Variants in GRXCR1 observed in about 807,000 individuals in gnomAD.
The protein encoded by GRXCR1 is glutaredoxin and cysteine rich domain containing 1.
GRXCR1 carries 27 observed loss-of-function variants against 27.3 expected under a neutral mutation model. That is an observed-to-expected ratio of 0.99 (90% confidence interval 0.73 to 1.37). The LOEUF is 1.37. Among genes scored for constraint, GRXCR1 ranks in the 40% most tolerant of loss-of-function variants. GRXCR1 has a pLI of 0.00. For missense variants in GRXCR1, 379 were observed against 354.4 expected, an observed-to-expected ratio of 1.07 and a Z score of -0.56; for synonymous variants, 122 against 131.1, an observed-to-expected ratio of 0.93 and a Z score of 0.47.
At chr4:42,981,488 C>A (rs568629018) in intron 2 of GRXCR1, among the ~76,000 whole-genome samples, 1 of 152,164 alleles carries the variant, frequency 6.6e-6, no homozygotes, top group Non-Finnish European at 1.5e-5. Context: ...ACCACCATTA[C>A]GGTATTAGAA....
At chr4:42,986,903 C>G (rs923725720) in intron 2 of GRXCR1, among the ~76,000 whole-genome samples, 2 of 151,346 alleles carry the variant, frequency 1.3e-5, no homozygotes, top group African/African-American at 4.8e-5. Flanking sequence ...AAACAGTCAC[C>G]GAACAAACAT....
At chr4:42,982,555 C>A (rs1748700972) in intron 2 of GRXCR1, among the ~76,000 whole-genome samples, 1 of 119,032 alleles carries the variant, frequency 8.4e-6, no homozygotes, top group East Asian at 2.3e-4. Context: ...ATTTATAGTC[C>A]TTTGGGTATA....
chr4:42,981,269 A>T (rs1057120818), intron 2 of GRXCR1, among the ~76,000 whole-genome samples: 2 of 151,670 alleles, frequency 1.3e-5, no homozygotes, highest in African/African-American at 4.9e-5. Flanking sequence ...TTATTTTTAT[A>T]ACAAGTTATT....
chr4:43,000,870 G>T lies in GRXCR1; in HGVS notation c.628-19484G>T, dbSNP rs189121282. ...ATTACCAATTCGTATATTTTTAGCC[G>T]TATACTTGGACTGTATTTATAGCTA... On this transcript the variant is annotated intron_variant, in intron 2 of 3. Transcript: ENST00000399770. 5.9e-5 allele frequency among the ~76,000 whole-genome samples: 9 copies of T among 152,070 alleles called. No homozygotes were observed. In the East Asian group the frequency reaches 9.7e-4, roughly 16 times the overall value.
chr4:43,029,443 G>C lies in GRXCR1; in HGVS notation c.694-918G>C, dbSNP rs541961698. ...TCCTTTTTTGCAAGTCGGAAGCTTA[G>C]TATCAATTTACTTATTTTCTCTTTG... On this transcript the variant is annotated intron_variant, in intron 3 of 3. Coordinates refer to ENST00000399770, the MANE Select transcript of GRXCR1 (RefSeq NM_001080476.3). Among the ~76,000 whole-genome samples the C allele has an allele frequency of 1.5e-4, 23 of 152,258 alleles. 1 individual carries two copies. The highest frequency in any genetic ancestry group is 5.5e-4 in the African/African-American group (23 of 41,558).
chr4:43,009,718 AT>A (rs1712677567), intron 2 of GRXCR1, among the ~76,000 whole-genome samples: 1 of 152,090 alleles, frequency 6.6e-6, no homozygotes, highest in South Asian at 2.1e-4. Flanking sequence ...CATTAATCCT[AT>A]TCCTCAGGGC....
At chr4:43,003,531 T>C (rs1308261128) in intron 2 of GRXCR1, among the ~76,000 whole-genome samples, 1 of 152,146 alleles carries the variant, frequency 6.6e-6, no homozygotes, top group Non-Finnish European at 1.5e-5. Flanking sequence ...ATGCTGATAG[T>C]GATATGGACA....
chr4:42,906,172 A>G (rs1000738074), intron 1 of GRXCR1, among the ~76,000 whole-genome samples: 3 of 152,152 alleles, frequency 2.0e-5, no homozygotes, highest in Non-Finnish European at 2.9e-5. Context: ...AAAAGACAAT[A>G]GGGCTGGTGA....
chr4:43,004,142 G>T (rs1712472739), intron 2 of GRXCR1, among the ~76,000 whole-genome samples: 1 of 152,224 alleles, frequency 6.6e-6, no homozygotes, highest in Non-Finnish European at 1.5e-5. Flanking sequence ...TGACTAAAAG[G>T]GGACAAGGTA....
intron 1 of GRXCR1, among the ~76,000 whole-genome samples, chr4:42,921,254 A>C (rs1183487218): frequency 6.6e-6 from 1 of 152,074 alleles, no homozygotes; most frequent in Admixed American, 6.6e-5. Context: ...CTCACCACAC[A>C]TGGAATCTGC....
chr4:42,931,749 T>C (rs1747315345), intron 1 of GRXCR1, among the ~76,000 whole-genome samples: 1 of 152,018 alleles, frequency 6.6e-6, no homozygotes, highest in Non-Finnish European at 1.5e-5. Context: ...ATGTAAAACC[T>C]ATTCCCTTAA....
intron 2 of GRXCR1, among the ~76,000 whole-genome samples, chr4:43,013,927 G>T (rs74861650): frequency 0.031 from 4,718 of 152,050 alleles, 76 homozygotes; most frequent in African/African-American, 0.039. Context: ...AATCAGGATT[G>T]GCCTCTATGG....
chr4:42,929,959 A>G (rs1270751252), intron 1 of GRXCR1, among the ~76,000 whole-genome samples: 1 of 151,960 alleles, frequency 6.6e-6, no homozygotes, highest in East Asian at 1.9e-4. Context: ...GCTCAAGTGC[A>G]TCTCTAAGAC....
At chr4:42,930,606 T>C (rs1747283768) in intron 1 of GRXCR1, among the ~76,000 whole-genome samples, 1 of 151,964 alleles carries the variant, frequency 6.6e-6, no homozygotes. Flanking sequence ...TAGAGACTCT[T>C]TTTTAAAAAG....
At chr4:42,980,218 T>C (rs1748623795) in intron 2 of GRXCR1, among the ~76,000 whole-genome samples, 1 of 151,884 alleles carries the variant, frequency 6.6e-6, no homozygotes, top group Admixed American at 6.6e-5. Context: ...TCTTGTTTCT[T>C]GAAGTGTAAC....
intron 2 of GRXCR1, among the ~76,000 whole-genome samples, chr4:42,976,834 C>T (rs1748535175): frequency 6.6e-6 from 1 of 151,878 alleles, no homozygotes; most frequent in African/African-American, 2.4e-5. Context: ...ATTTAATATT[C>T]ACTCAGCATT....
intron 1 of GRXCR1, among the ~76,000 whole-genome samples, chr4:42,946,089 G>T (rs575949828): frequency 2.3e-4 from 35 of 152,244 alleles, no homozygotes; most frequent in Middle Eastern, 3.4e-3. Context: ...TGGCAATGTA[G>T]TTTCAATTTA....
intron 2 of GRXCR1, among the ~76,000 whole-genome samples, chr4:42,977,768 T>C (rs1748558123): frequency 6.6e-6 from 1 of 152,100 alleles, no homozygotes; most frequent in Admixed American, 6.6e-5. Flanking sequence ...CCCCTCACTC[T>C]GTTGATAGTT....
intron 1 of GRXCR1, among the ~76,000 whole-genome samples, chr4:42,952,892 C>A (rs975029347): frequency 1.3e-5 from 2 of 152,166 alleles, no homozygotes; most frequent in Non-Finnish European, 2.9e-5. Context: ...TGACCTGCTC[C>A]TATTCAAGCC....
Sources: allele counts gnomAD v4.1 joint callset (sites outside exome capture counted in the v4.1 genomes callset), GRCh38; gene constraint gnomAD v4.1.1; transcripts MANE v1.5; gene names NCBI Gene and HGNC (gene_info 2026-07-23, HGNC 2026-07-21).